The following TMEM95 variants were observed in gnomAD, a reference collection of about 807,000 sequenced individuals.
The protein encoded by TMEM95 is sperm-egg fusion protein TMEM95.
In TMEM95, 21 loss-of-function variants were observed where a neutral mutation model predicts 27.7. The ratio of observed to expected loss-of-function variants is 0.76; its 90% CI spans 0.54 to 1.09. TMEM95 has a LOEUF of 1.09. TMEM95 is among the 50% of genes least tolerant of loss of function. TMEM95 has a pLI of 0.00. For missense variants in TMEM95, 203 were observed against 217.9 expected, an observed-to-expected ratio of 0.93 and a Z score of 0.43; for synonymous variants, 77 against 85.7, an observed-to-expected ratio of 0.90 and a Z score of 0.56.
intron 6 of TMEM95, 31 bp from the exon 7 acceptor site, chr17:7,356,568 C>A: frequency 1.2e-6 from 2 of 1,611,758 alleles, no homozygotes; most frequent in Non-Finnish European, 1.7e-6. Context: ...CAGGCCCCTC[C>A]CGTAGGCTTC....
Position 7,355,451 on chromosome 17 carries a change from C to A in TMEM95, c.169+78C>A, listed in dbSNP as rs1050683908. On this transcript the variant is annotated intron_variant, in intron 1 of 6. Transcript: ENST00000576060. The surrounding 1 kb of genome is among the most constrained non-coding windows in gnomAD (Gnocchi z 4.9). The stretch of plus-strand genomic sequence containing the variant: ...CAGAGGGTGGCATGTGACCTTCCAG[C>A]TGTGCCCTCCATCTGTGGCCCTTTC... 2.2e-5 allele frequency: 34 copies of A among 1,560,490 alleles called. No individual in the cohort carries two copies. The African/African-American group carries it at 3.4e-4, about 16-fold the overall frequency.
Position 7,355,934 on chromosome 17 carries a change from G to A in TMEM95, c.307+16G>A. The stretch of plus-strand genomic sequence containing the variant: ...ACCAGGGAAGGTACCGATGCGGGAT[G>A]GGCCTCAAGGGGAGCCTAGGGTCTT... On this transcript the variant is annotated intron_variant, in intron 3 of 6. Coordinates refer to ENST00000576060, the MANE Select transcript of TMEM95 (RefSeq NM_001320436.2). This position sits in a 1 kb window ranked among gnomAD's most constrained non-coding sequence, Gnocchi z 4.9. 6.2e-7 allele frequency: 1 copy of A among 1,613,978 alleles called. No homozygotes were observed.
intron 4 of TMEM95, 40 bp downstream of exon 4, chr17:7,356,089 T>C: frequency 6.2e-7 from 1 of 1,613,676 alleles, no homozygotes; most frequent in South Asian, 1.1e-5. Flanking sequence ...ACCTGGGGCC[T>C]GCAGGGTGTC....
rs2073525945 is a variant in TMEM95, at chr17:7,357,190, C to T, written c.*558C>T. 6.5e-6 allele frequency: 1 copy of T among 153,704 alleles called. No homozygotes were observed. Among genetic ancestry groups the T allele is most frequent in the Non-Finnish European group, 1.4e-5 (1 of 69,174 alleles). The allele number at this position is 153,704 out of a possible 1,614,324, so 9.5% of individuals were successfully genotyped here. A position where few individuals can be genotyped will look rare whatever the true frequency, so the allele number is the denominator to read the frequency against. ...CCTCCCTCAGAGGCCTCCATCCTGC[C>T]AGGCCTAAGTAAAACTTGCTGTTCA... On this transcript the variant is annotated 3_prime_UTR_variant, in exon 7 of 7. Coordinates refer to ENST00000576060, the MANE Select transcript of TMEM95 (RefSeq NM_001320436.2).
rs750207880 is a variant in TMEM95 at position 7,355,292 on chromosome 17, CG to C, written c.89del (p.Arg30ProfsTer27). The C allele has an allele frequency of 6.2e-7, 1 of 1,614,070 alleles. No individual in the cohort carries two copies. Among genetic ancestry groups the C allele is most frequent in the East Asian group, 2.2e-5 (1 of 44,880 alleles). On this transcript the variant is annotated frameshift_variant, in exon 1 of 7. Transcript: ENST00000576060. LOFTEE classifies it high-confidence loss of function. This position sits in a 1 kb window ranked among gnomAD's most constrained non-coding sequence, Gnocchi z 4.9. ...CRLPAHDLSG[R>X]LARLCSQMEA... is the part of the protein sequence containing the mutation. ...CCTCCCAGCCCACGACTTGTCAGGC[CG>C]CCTGGCTCGGCTCTGCAGCCAGATG...
In TMEM95 at chr17:7,355,239, C is replaced by T. The variant is rs1213095571; in HGVS notation, c.35C>T (p.Ala12Val). The T allele has an allele frequency of 1.2e-6, 2 of 1,613,720 alleles. No individual in the cohort carries two copies. The highest frequency in any genetic ancestry group is 2.2e-5 in the South Asian group (2 of 91,042). The change falls in exon 1 of 7, where the codon GCA (alanine) becomes GTA (valine). Residue 12 changes from alanine (A) to valine (V), a missense_variant. Coordinates refer to ENST00000576060, the MANE Select transcript of TMEM95 (RefSeq NM_001320436.2). This position sits in a 1 kb window ranked among gnomAD's most constrained non-coding sequence, Gnocchi z 4.9. ...WRLALGGVFL[A>V]AAQACVFCRL... is the part of the protein sequence containing the mutation. ...CTGGCACTAGGCGGGGTTTTCCTGG[C>T]AGCCGCCCAGGCTTGTGTCTTCTGT... is the stretch of plus-strand genomic sequence containing the variant.
At position 7,356,890 on chromosome 17, in the gene TMEM95, C is replaced by T. The variant is rs939219816; in HGVS notation, c.*258C>T. On this transcript the variant is annotated 3_prime_UTR_variant, in exon 7 of 7. Transcript: ENST00000576060. ...CCCACAGCTGGAAAGTTCCTCCCCT[C>T]CAGCCCTCAACCAATCACATGGCTG... 2.9e-5 allele frequency: 15 copies of T among 523,718 alleles called. No homozygotes were observed. In the African/African-American group the frequency reaches 2.9e-4, roughly 10 times the overall value. The allele number at this position is 523,718 out of a possible 1,614,324, so 32.4% of individuals were successfully genotyped here. A position where few individuals can be genotyped will look rare whatever the true frequency, so the allele number is the denominator to read the frequency against.
chr17:7,355,774 T>A lies in TMEM95; in HGVS notation c.227-64T>A. 2.5e-6 allele frequency: 4 copies of A among 1,579,266 alleles called. No individual in the cohort carries two copies. The highest frequency in any genetic ancestry group is 3.5e-6 in the Non-Finnish European group (4 of 1,149,958). ...GAGGGCTGATCAGGGAGGGGCTGCG[T>A]GAAGAGAGGGGGAACTGGCCCCGTC... On this transcript the variant is annotated intron_variant, in intron 2 of 6. Coordinates refer to ENST00000576060, the MANE Select transcript of TMEM95 (RefSeq NM_001320436.2). This position sits in a 1 kb window ranked among gnomAD's most constrained non-coding sequence, Gnocchi z 4.9.
Position 7,356,678 on chromosome 17 carries a change from C to G in TMEM95, c.*46C>G. 1 of 1,598,782 alleles carries G rather than the reference C, an allele frequency of 6.3e-7. No homozygotes were observed. Among genetic ancestry groups the G allele is most frequent in the Admixed American group, 1.7e-5 (1 of 59,074 alleles). On this transcript the variant is annotated 3_prime_UTR_variant, in exon 7 of 7. Coordinates refer to ENST00000576060, the MANE Select transcript of TMEM95 (RefSeq NM_001320436.2). ...CCTCCAGCTCTAAGGGGTATGCACT[C>G]ACAACTTCCACATCCCTTGGAGGGG... is the stretch of plus-strand genomic sequence containing the variant.
chr17:7,356,766 C>G lies in TMEM95; in HGVS notation c.*134C>G, dbSNP rs1191532487. The G allele has an allele frequency of 1.1e-6, 1 of 933,690 alleles. No homozygotes were observed. The highest frequency in any genetic ancestry group is 2.3e-4 in the Middle Eastern group (1 of 4,404). 57.8% of individuals were successfully genotyped at this position (933,690 alleles called of 1,614,324 possible). On this transcript the variant is annotated 3_prime_UTR_variant, in exon 7 of 7. Transcript: ENST00000576060. ...CTCCAGACCCTAAAACCCAGACATC[C>G]CTGCTTCTGGTTGGTGAGATAATGA... is the stretch of plus-strand genomic sequence containing the variant.
chr17:7,355,920 T>G lies in TMEM95; in HGVS notation c.307+2T>G, dbSNP rs1480490888. ...AGCTCCCTGAGTACACCAGGGAAGG[T>G]ACCGATGCGGGATGGGCCTCAAGGG... On this transcript the variant is annotated splice_donor_variant, in intron 3 of 6. Coordinates refer to ENST00000576060, the MANE Select transcript of TMEM95 (RefSeq NM_001320436.2). LOFTEE classifies it high-confidence loss of function. This position sits in a 1 kb window ranked among gnomAD's most constrained non-coding sequence, Gnocchi z 4.9. The G allele has an allele frequency of 6.2e-7, 1 of 1,613,844 alleles. No individual in the cohort carries two copies. Among genetic ancestry groups the G allele is most frequent in the South Asian group, 1.1e-5 (1 of 91,072 alleles).
In TMEM95 at chr17:7,355,569, C is replaced by G. The variant is rs1331703207; in HGVS notation, c.170-17C>G. 11 of 1,553,602 alleles carry G rather than the reference C, an allele frequency of 7.1e-6. No individual in the cohort carries two copies. The Admixed American group carries it at 1.8e-4, about 25-fold the overall frequency. ...TGGGCTGATGAGGGAATCGCTGGTC[C>G]TTGCCCATCTCCACAGATGAGGTGT... On this transcript the variant is annotated splice_polypyrimidine_tract_variant and intron_variant, in intron 1 of 6. Coordinates refer to ENST00000576060, the MANE Select transcript of TMEM95 (RefSeq NM_001320436.2). This position sits in a 1 kb window ranked among gnomAD's most constrained non-coding sequence, Gnocchi z 4.9.
At position 7,355,645 on chromosome 17, in the gene TMEM95, G is replaced by A; in HGVS notation, c.226+3G>A. On this transcript the variant is annotated splice_donor_region_variant and intron_variant, in intron 2 of 6. Coordinates refer to ENST00000576060, the MANE Select transcript of TMEM95 (RefSeq NM_001320436.2). This position sits in a 1 kb window ranked among gnomAD's most constrained non-coding sequence, Gnocchi z 4.9. Reference sequence around the variant, plus strand: ...TCACAGAGTCCTGAGGGTCATGGGTGAGGTCAAGGGGAAAGAGTGACCTAG... The same window carrying A: ...TCACAGAGTCCTGAGGGTCATGGGTAAGGTCAAGGGGAAAGAGTGACCTAG... 1 of 1,561,082 alleles carries A rather than the reference G, an allele frequency of 6.4e-7. No individual in the cohort carries two copies.
rs202180911 is a variant in TMEM95, at chr17:7,355,864, C to A, written c.253C>A (p.Pro85Thr). ...AATCAAAGAGGCTGTCTCCTCACTC[C>A]CTTCATATTGGAGTTGGCTTCGAAA... ...MEIKEAVSSL[P>T]SYWSWLRKTK... The change falls in exon 3 of 7, where the codon CCT (proline) becomes ACT (threonine). Residue 85 changes from proline (P) to threonine (T), a missense_variant. By Grantham distance (38) the Pro-to-Thr change is conservative. Coordinates refer to ENST00000576060, the MANE Select transcript of TMEM95 (RefSeq NM_001320436.2). This position sits in a 1 kb window ranked among gnomAD's most constrained non-coding sequence, Gnocchi z 4.9. 1.3e-4 allele frequency: 206 copies of A among 1,613,966 alleles called. No individual in the cohort carries two copies. The highest frequency in any genetic ancestry group is 3.8e-4 in the Admixed American group (23 of 59,990).
In TMEM95 at chr17:7,355,900, C is replaced by T. The variant is rs370134940; in HGVS notation, c.289C>T (p.Pro97Ser). 9.9e-6 allele frequency: 16 copies of T among 1,613,848 alleles called. No individual in the cohort carries two copies. In the African/African-American group the frequency reaches 2.1e-4, roughly 22 times the overall value. The change falls in exon 3 of 7, where the codon CCT becomes TCT. Residue 97 changes from proline to serine, a missense_variant. Physicochemically the swap from Pro to Ser is moderately conservative, Grantham distance 74. Transcript: ENST00000576060. The surrounding 1 kb of genome is among the most constrained non-coding windows in gnomAD (Gnocchi z 4.9). ...GAGTTGGCTTCGAAAGACCAAGCTC[C>T]CTGAGTACACCAGGGAAGGTACCGA... ...YWSWLRKTKL[P>S]EYTREALCPP...
At position 7,355,378 on chromosome 17, in the gene TMEM95, G is replaced by A. The variant is rs768802777; in HGVS notation, c.169+5G>A. The A allele has an allele frequency of 2.5e-6, 4 of 1,606,380 alleles. No individual in the cohort carries two copies. Among genetic ancestry groups the A allele is most frequent in the South Asian group, 1.1e-5 (1 of 90,888 alleles). On this transcript the variant is annotated splice_donor_5th_base_variant and intron_variant, in intron 1 of 6. Coordinates refer to ENST00000576060, the MANE Select transcript of TMEM95 (RefSeq NM_001320436.2). The surrounding 1 kb of genome is among the most constrained non-coding windows in gnomAD (Gnocchi z 4.9). ...ACTTCTCGGCCTTTGCCTTAGGTAGGACCAGACATCCAGGGATGGGCCCAG... is the reference window on the plus strand; with the variant it reads ...ACTTCTCGGCCTTTGCCTTAGGTAGAACCAGACATCCAGGGATGGGCCCAG...
rs2073521804 is a variant in TMEM95, at chr17:7,356,948, A to C, written c.*316A>C. Reference sequence around the variant, plus strand: ...TGCCAGGAAAATATCTACAGAAGGAAAGAATCCCCTACGCCACTCCCACCA... The same window carrying C: ...TGCCAGGAAAATATCTACAGAAGGACAGAATCCCCTACGCCACTCCCACCA... On this transcript the variant is annotated 3_prime_UTR_variant, in exon 7 of 7. Coordinates refer to ENST00000576060, the MANE Select transcript of TMEM95 (RefSeq NM_001320436.2). 2.3e-6 allele frequency: 1 copy of C among 436,514 alleles called. No homozygotes were observed. 27.0% of individuals were successfully genotyped at this position (436,514 alleles called of 1,614,324 possible). A position where few individuals can be genotyped will look rare whatever the true frequency, so the allele number is the denominator to read the frequency against.
rs1369849927 is a variant in TMEM95, at chr17:7,355,251, C to A, written c.47C>A (p.Ala16Asp). 3.1e-6 allele frequency: 5 copies of A among 1,613,924 alleles called. No homozygotes were observed. Among genetic ancestry groups the A allele is most frequent in the Non-Finnish European group, 4.2e-6 (5 of 1,179,930 alleles). Residue 16 changes from alanine (A) to aspartate (D), a missense_variant, in exon 1 of 7, where the codon GCT becomes GAT. By Grantham distance (126) the Ala-to-Asp change is moderately radical. Transcript: ENST00000576060. This position sits in a 1 kb window ranked among gnomAD's most constrained non-coding sequence, Gnocchi z 4.9. The stretch of plus-strand genomic sequence containing the variant: ...GGGGTTTTCCTGGCAGCCGCCCAGG[C>A]TTGTGTCTTCTGTCGCCTCCCAGCC... ...LGGVFLAAAQACVFCRLPAHD... is the reference protein window; with the variant it reads ...LGGVFLAAAQDCVFCRLPAHD...
rs1309812122 is a variant in TMEM95, at chr17:7,356,606, C to T, written c.505C>T (p.His169Tyr). Reference sequence around the variant, plus strand: ...ACCCTCGTCTTCCCTCAGGTCCCACCACCTCCAAGCAAAAAGTGGCTTGTG... The same window carrying T: ...ACCCTCGTCTTCCCTCAGGTCCCACTACCTCCAAGCAAAAAGTGGCTTGTG... ...GVLSLLVESH[H>Y]LQAKSGL The change falls in exon 7 of 7, where the codon CAC becomes TAC. Residue 169 changes from histidine to tyrosine, a missense_variant. Physicochemically the swap from His to Tyr is moderately conservative, Grantham distance 83. Transcript: ENST00000576060. 6.2e-7 allele frequency: 1 copy of T among 1,611,450 alleles called. No homozygotes were observed. The highest frequency in any genetic ancestry group is 1.1e-5 in the South Asian group (1 of 90,768).
Sources: allele counts gnomAD v4.1 joint callset, GRCh38; gene constraint gnomAD v4.1.1; non-coding constraint Gnocchi (gnomAD v3.1); transcripts MANE v1.5; gene names NCBI Gene and HGNC (gene_info 2026-07-23, HGNC 2026-07-21).